UNC5C: variants seen among roughly 807,000 people sequenced by gnomAD.
UNC5C encodes the protein unc-5 netrin receptor C, also known as netrin receptor UNC5C.
Under a neutral mutation model 99.8 loss-of-function variants are expected in UNC5C, and 47 were observed. That is an observed-to-expected ratio of 0.47 (90% CI 0.37 to 0.60). UNC5C has a LOEUF of 0.60. Ranked by LOEUF, UNC5C falls within the 20% of genes least tolerant of loss-of-function variation. The probability of loss-of-function intolerance (pLI) is 0.00; values close to 1 mark genes in which losing one functional copy is unlikely to be tolerated. For missense variants in UNC5C, 1,062 were observed against 1,165.9 expected, an observed-to-expected ratio of 0.91 and a Z score of 1.30; for synonymous variants, 487 against 452.2, an observed-to-expected ratio of 1.08 and a Z score of -0.98.
chr4:95,537,191 C>T (rs1035029466), intron 1 of UNC5C, among the ~76,000 whole-genome samples: 2 of 151,880 alleles, frequency 1.3e-5, no homozygotes, highest in African/African-American at 4.8e-5. Context: ...AGATGTGATG[C>T]CTCTGGTTAG....
chr4:95,383,143 CA>C (rs1378971240), intron 1 of UNC5C, among the ~76,000 whole-genome samples: 1 of 152,040 alleles, frequency 6.6e-6, no homozygotes. Flanking sequence ...AAGATAAGCA[CA>C]AAAATAACAA....
chr4:95,219,414 G>T, intron 8 of UNC5C, 101 bp from the exon 9 acceptor site: 1 of 1,139,494 alleles, frequency 8.8e-7, no homozygotes, highest in Non-Finnish European at 1.3e-6. Context: ...AAGTAAAGCA[G>T]CTCAGCTAAT....
chr4:95,468,090 G>A (rs925017566), intron 1 of UNC5C, among the ~76,000 whole-genome samples: 2 of 151,188 alleles, frequency 1.3e-5, no homozygotes, highest in Admixed American at 6.6e-5. Context: ...CATACTTGGC[G>A]GACTTTACTG....
intron 10 of UNC5C, among the ~76,000 whole-genome samples, chr4:95,214,352 A>G (rs897679587): frequency 6.6e-6 from 1 of 152,236 alleles, no homozygotes; most frequent in Non-Finnish European, 1.5e-5. Flanking sequence ...ATGCACACCA[A>G]ATTCAACAGA....
chr4:95,413,695 A>G (rs1746071528), intron 1 of UNC5C, among the ~76,000 whole-genome samples: 1 of 152,228 alleles, frequency 6.6e-6, no homozygotes, highest in African/African-American at 2.4e-5. Flanking sequence ...CTTGTTCATT[A>G]AAAACATGTT....
chr4:95,527,088 T>C (rs760852150), intron 1 of UNC5C, among the ~76,000 whole-genome samples: 23 of 152,066 alleles, frequency 1.5e-4, no homozygotes, highest in Non-Finnish European at 2.5e-4. Context: ...TGAGTTAATA[T>C]ACCCATGCAT....
intron 2 of UNC5C, among the ~76,000 whole-genome samples, chr4:95,317,323 G>C (rs549283635): frequency 6.6e-6 from 1 of 152,300 alleles, no homozygotes; most frequent in South Asian, 2.1e-4. Context: ...AGGAAATCAG[G>C]GGGAAAAATC....
chr4:95,179,906 A>ATATT (rs1319012749), intron 14 of UNC5C, among the ~76,000 whole-genome samples: 1 of 152,052 alleles, frequency 6.6e-6, no homozygotes, highest in Non-Finnish European at 1.5e-5. Context: ...ATTTTTGTTT[A>ATATT]TATTTAGTTT....
At chr4:95,466,815 T>C (rs902089490) in intron 1 of UNC5C, among the ~76,000 whole-genome samples, 1 of 152,158 alleles carries the variant, frequency 6.6e-6, no homozygotes, top group African/African-American at 2.4e-5. Context: ...TTTTAAGGTG[T>C]GTCCATATTT....
intron 1 of UNC5C, among the ~76,000 whole-genome samples, chr4:95,481,732 G>A (rs1298895183): frequency 8.6e-5 from 13 of 152,018 alleles, no homozygotes; most frequent in Admixed American, 1.3e-4. Flanking sequence ...GATCTTTGAC[G>A]AACCTGAGAA....
At chr4:95,424,461 GTTTTTACAAATGA>G (rs1269527739) in intron 1 of UNC5C, among the ~76,000 whole-genome samples, 1 of 132,938 alleles carries the variant, frequency 7.5e-6, no homozygotes, top group African/African-American at 2.8e-5. Flanking sequence ...GTACGGTTAA[GTTTTTACAAATGA>G]TATTTTTCTA....
At chr4:95,345,283 G>C (rs151276586) in intron 1 of UNC5C, among the ~76,000 whole-genome samples, 249 of 152,018 alleles carry the variant, frequency 1.6e-3, no homozygotes, top group African/African-American at 5.6e-3. Flanking sequence ...TGATAAACGG[G>C]TCAATTCAGC....
intron 1 of UNC5C, among the ~76,000 whole-genome samples, chr4:95,458,568 T>C (rs1747509836): frequency 6.6e-6 from 1 of 152,090 alleles, no homozygotes; most frequent in Non-Finnish European, 1.5e-5. Context: ...CCAGAGCTAA[T>C]TGAAGAATGG....
intron 1 of UNC5C, among the ~76,000 whole-genome samples, chr4:95,341,799 C>T (rs1743590367): frequency 6.6e-6 from 1 of 152,108 alleles, no homozygotes; most frequent in Non-Finnish European, 1.5e-5. Flanking sequence ...CACCACTCTC[C>T]CAACTCCCAG....
At chr4:95,446,564 T>G (rs1747112899) in intron 1 of UNC5C, among the ~76,000 whole-genome samples, 1 of 152,040 alleles carries the variant, frequency 6.6e-6, no homozygotes, top group African/African-American at 2.4e-5. Flanking sequence ...TGAGGGTATA[T>G]TTTGGAGGTG....
intron 1 of UNC5C, among the ~76,000 whole-genome samples, chr4:95,400,952 A>C (rs185962263): frequency 6.6e-6 from 1 of 152,342 alleles, no homozygotes; most frequent in Admixed American, 6.5e-5. Context: ...GCCAAATCAC[A>C]TATGGAGCCA....
At chr4:95,240,387 A>ACAGTG (rs1169345187) in intron 7 of UNC5C, among the ~76,000 whole-genome samples, 5 of 152,224 alleles carry the variant, frequency 3.3e-5, no homozygotes, top group African/African-American at 4.8e-5. Context: ...CTGTAATTAC[A>ACAGTG]CAGTGCAGAA....
intron 4 of UNC5C, among the ~76,000 whole-genome samples, chr4:95,277,593 G>C (rs1419684986): frequency 1.3e-5 from 2 of 152,186 alleles, no homozygotes; most frequent in Non-Finnish European, 2.9e-5. Flanking sequence ...CTTCCCCAAA[G>C]AGAGATATTT....
intron 4 of UNC5C, among the ~76,000 whole-genome samples, chr4:95,264,958 A>T (rs1740385801): frequency 6.6e-6 from 1 of 151,606 alleles, no homozygotes; most frequent in Admixed American, 6.6e-5. Context: ...CCTCTCTCTC[A>T]TTTTCTCCTC....
Sources: gnomAD v4.1 joint callset for allele counts (sites outside exome capture counted in the v4.1 genomes callset) on GRCh38, gnomAD v4.1.1 for gene constraint, MANE v1.5 for transcripts, NCBI Gene and HGNC (gene_info 2026-07-23, HGNC 2026-07-21) for gene names.